The following DTNBP1 variants were observed in gnomAD, a reference collection of about 807,000 sequenced individuals.
The protein encoded by DTNBP1 is dysbindin.
Under a neutral mutation model 42.8 loss-of-function variants are expected in DTNBP1, and 35 were observed. The observed-to-expected ratio is 0.82, with a 90% confidence interval of 0.63 to 1.09. The LOEUF is 1.09. DTNBP1 is among the 50% of genes least tolerant of loss of function. DTNBP1 has a pLI of 0.00. For missense variants in DTNBP1, 457 were observed against 424.2 expected, an observed-to-expected ratio of 1.08 and a Z score of -0.68; for synonymous variants, 171 against 162.2, an observed-to-expected ratio of 1.05 and a Z score of -0.41.
chr6:15,644,382 A>G (rs1436362039), intron 3 of DTNBP1, among the ~76,000 whole-genome samples: 3 of 152,140 alleles, frequency 2.0e-5, no homozygotes, highest in Admixed American at 2.0e-4. Flanking sequence ...AGATCATGGC[A>G]CAAAACTAAC....
chr6:15,551,961 C>T (rs1774236391), intron 7 of DTNBP1, among the ~76,000 whole-genome samples: 1 of 152,208 alleles, frequency 6.6e-6, no homozygotes, highest in Admixed American at 6.5e-5. Flanking sequence ...AAACAGCACA[C>T]AGCTCAGGAA....
intron 6 of DTNBP1, among the ~76,000 whole-genome samples, chr6:15,599,433 T>A (rs1219359010): frequency 6.6e-6 from 1 of 152,182 alleles, no homozygotes; most frequent in Non-Finnish European, 1.5e-5. Context: ...TGACTCTGCA[T>A]GTGTATCATC....
intron 1 of DTNBP1, among the ~76,000 whole-genome samples, chr6:15,652,650 G>T (rs925989270): frequency 2.0e-5 from 3 of 151,478 alleles, no homozygotes; most frequent in Non-Finnish European, 4.4e-5. Context: ...TTTTTTAAGA[G>T]ATGGTCTCAC....
intron 7 of DTNBP1, among the ~76,000 whole-genome samples, chr6:15,572,970 G>A (rs769253434): frequency 2.6e-5 from 4 of 152,152 alleles, no homozygotes; most frequent in South Asian, 2.1e-4. Flanking sequence ...AGGCTCAGGC[G>A]ATCCTCCAGC....
chr6:15,527,155 T>C (rs1212082890), intron 8 of DTNBP1, among the ~76,000 whole-genome samples: 6 of 152,256 alleles, frequency 3.9e-5, no homozygotes, highest in Admixed American at 1.3e-4. Flanking sequence ...AGAGTAGTAC[T>C]TAATGACTTT....
intron 6 of DTNBP1, among the ~76,000 whole-genome samples, chr6:15,611,841 C>T (rs1398989516): frequency 2.6e-5 from 4 of 152,196 alleles, no homozygotes; most frequent in Non-Finnish European, 4.4e-5. Flanking sequence ...TGAGGAGTTA[C>T]TTCCTATGGA....
In DTNBP1 at chr6:15,636,585, C is replaced by G. The variant is rs1336595637; in HGVS notation, c.222+1159G>C. Among the ~76,000 whole-genome samples, 8 of 152,236 alleles carry G rather than the reference C, an allele frequency of 5.3e-5. No homozygotes were observed. In the East Asian group the frequency reaches 1.5e-3, roughly 29 times the overall value. ...TATGCCAACTTCTTAGGAAGCCAGACAGGTTTCCTTGTTGACTCCTTTAGC... is the reference window on the plus strand; with the variant it reads ...TATGCCAACTTCTTAGGAAGCCAGAGAGGTTTCCTTGTTGACTCCTTTAGC... On this transcript the variant is annotated intron_variant, in intron 4 of 9. Transcript: ENST00000344537.
At chr6:15,622,879 G>T (rs183083663) in intron 5 of DTNBP1, among the ~76,000 whole-genome samples, 2 of 152,150 alleles carry the variant, frequency 1.3e-5, no homozygotes, top group African/African-American at 4.8e-5. Context: ...AAAGAATGAA[G>T]CAGCACACTA....
chr6:15,571,960 A>T (rs999577374), intron 7 of DTNBP1, among the ~76,000 whole-genome samples: 1 of 152,200 alleles, frequency 6.6e-6, no homozygotes, highest in African/African-American at 2.4e-5. Flanking sequence ...TGAGTTCTGA[A>T]GCCAATTTCC....
At chr6:15,573,802 G>A (rs564126435) in intron 7 of DTNBP1, among the ~76,000 whole-genome samples, 23 of 152,222 alleles carry the variant, frequency 1.5e-4, no homozygotes, top group African/African-American at 5.5e-4. Flanking sequence ...CTGCCTCCTG[G>A]GTTCAAGCAA....
chr6:15,652,232 A>G, intron 1 of DTNBP1, 92 bp from the exon 2 acceptor site: 2 of 1,044,796 alleles, frequency 1.9e-6, no homozygotes, highest in Admixed American at 2.2e-5. Context: ...TCCAGGCTGG[A>G]GTGCAGTGAC....
intron 1 of DTNBP1, among the ~76,000 whole-genome samples, chr6:15,654,285 G>A (rs2113816581): frequency 6.6e-6 from 1 of 152,208 alleles, no homozygotes; most frequent in South Asian, 2.1e-4. Context: ...GCAAAACCTA[G>A]GGAAAACAAT....
intron 7 of DTNBP1, among the ~76,000 whole-genome samples, chr6:15,543,139 A>G (rs1399912168): frequency 6.6e-6 from 1 of 152,194 alleles, no homozygotes; most frequent in Non-Finnish European, 1.5e-5. Context: ...ATTATAGATG[A>G]CTACAACTAG....
chr6:15,582,111 T>C (rs988517461), intron 7 of DTNBP1, among the ~76,000 whole-genome samples: 1 of 152,194 alleles, frequency 6.6e-6, no homozygotes, highest in Non-Finnish European at 1.5e-5. Context: ...ATATGCTACT[T>C]AGCTATTCAA....
At chr6:15,563,529 T>C (rs944441913) in intron 7 of DTNBP1, among the ~76,000 whole-genome samples, 1 of 152,234 alleles carries the variant, frequency 6.6e-6, no homozygotes, top group Non-Finnish European at 1.5e-5. Context: ...TGTATACCCA[T>C]TGTTCCTATA....
rs144542267 is a variant in DTNBP1 at position 15,611,235 on chromosome 6, G to C, written c.488+4032C>G. On this transcript the variant is annotated intron_variant, in intron 6 of 9. Transcript: ENST00000344537. ...ATGCTAAATTTACTCTGCCTGTGCT[G>C]TATAAATGTAACAACAAAGCCTGGG... is the stretch of plus-strand genomic sequence containing the variant. Among the ~76,000 whole-genome samples, 23 of 152,252 alleles carry C rather than the reference G, an allele frequency of 1.5e-4. No homozygotes were observed. In the East Asian group the frequency reaches 4.2e-3, roughly 28 times the overall value.
intron 1 of DTNBP1, among the ~76,000 whole-genome samples, chr6:15,656,591 T>C (rs1294894683): frequency 6.6e-6 from 1 of 152,016 alleles, no homozygotes; most frequent in African/African-American, 2.4e-5. Flanking sequence ...CTTCCAAATA[T>C]ACACAAATTA....
chr6:15,644,791 G>A (rs886152822), intron 3 of DTNBP1, among the ~76,000 whole-genome samples: 1 of 152,034 alleles, frequency 6.6e-6, no homozygotes, highest in African/African-American at 2.4e-5. Context: ...GCAGTATTAA[G>A]AAGAAAATTT....
intron 1 of DTNBP1, among the ~76,000 whole-genome samples, chr6:15,655,216 G>A (rs1383993108): frequency 4.6e-5 from 7 of 152,064 alleles, no homozygotes; most frequent in Admixed American, 3.3e-4. Context: ...CAAGCTCCTG[G>A]CCTTAAGCGA....
Sources: gnomAD v4.1 joint callset for allele counts (sites outside exome capture counted in the v4.1 genomes callset) on GRCh38, gnomAD v4.1.1 for gene constraint, MANE v1.5 for transcripts, NCBI Gene and HGNC (gene_info 2026-07-23, HGNC 2026-07-21) for gene names.